The following DUSP14 variants were observed in gnomAD, a reference collection of about 807,000 sequenced individuals.
DUSP14 encodes the protein dual specificity protein phosphatase 14.
DUSP14 carries 5 observed loss-of-function variants against 13.2 expected under a neutral mutation model. The observed-to-expected ratio is 0.38, with a 90% confidence interval of 0.20 to 0.80. DUSP14 has a LOEUF of 0.80. DUSP14 is among the 30% of genes least tolerant of loss of function. DUSP14 has a pLI of 0.44. For missense variants in DUSP14, 185 were observed against 264.0 expected (o/e 0.70, Z 2.07); for synonymous variants, 91 against 103.4 (o/e 0.88, Z 0.73).
At chr17:37,500,052 A>G (rs1004743822) in intron 1 of DUSP14, among the ~76,000 whole-genome samples, 22 of 152,238 alleles carry the variant, frequency 1.4e-4, no homozygotes, top group African/African-American at 5.3e-4. Context: ...TGCTCTCAGC[A>G]TGGGAGCGGG....
Position 37,491,671 on chromosome 17 carries a change from T to C in DUSP14, c.-181+1713T>C, listed in dbSNP as rs2054029501. ...TAATTAATAGAATGGCATAAATGTA[T>C]ATTCATATCATAAAAGACTAGCCAA... is the stretch of plus-strand genomic sequence containing the variant. On this transcript the variant is annotated intron_variant, in intron 1 of 2. Transcript: ENST00000617516. 3 of 152,326 alleles carry C rather than the reference T, an allele frequency of 2.0e-5. No individual in the cohort carries two copies. In the South Asian group the frequency reaches 6.2e-4, roughly 32 times the overall value. The allele number at this position is 152,326 out of a possible 1,614,324, so 9.4% of individuals were successfully genotyped here.
In DUSP14 at chr17:37,499,623, G is replaced by A. The variant is rs184640604; in HGVS notation, c.-181+9665G>A. ...GGCTCACTGCAACCTCCATCCCCCCGGGTTCAAGCGATTCTCCTGCCTCAG... is the reference window on the plus strand; with the variant it reads ...GGCTCACTGCAACCTCCATCCCCCCAGGTTCAAGCGATTCTCCTGCCTCAG... On this transcript the variant is annotated intron_variant, in intron 1 of 2. Coordinates refer to ENST00000617516, the MANE Select transcript of DUSP14 (RefSeq NM_007026.4). 1.4e-3 allele frequency among the ~76,000 whole-genome samples: 207 copies of A among 152,164 alleles called. 2 individuals carry two copies. The highest frequency in any genetic ancestry group is 4.3e-3 in the African/African-American group (178 of 41,520).
intron 1 of DUSP14, among the ~76,000 whole-genome samples, chr17:37,502,902 G>A (rs853216): frequency 0.21 from 31,853 of 152,026 alleles, 3,694 homozygotes; most frequent in East Asian, 0.55. Flanking sequence ...AGACAGCGTC[G>A]TTCTGTCGCC....
At position 37,490,935 on chromosome 17, in the gene DUSP14, T is replaced by A. The variant is rs551345575; in HGVS notation, c.-181+977T>A. Among the ~76,000 whole-genome samples, 3 of 152,226 alleles carry A rather than the reference T, an allele frequency of 2.0e-5. No individual in the cohort carries two copies. The South Asian group carries it at 6.2e-4, about 32-fold the overall frequency. On this transcript the variant is annotated intron_variant, in intron 1 of 2. Coordinates refer to ENST00000617516, the MANE Select transcript of DUSP14 (RefSeq NM_007026.4). ...ACCCAGAGTCTCCTGGAATTCCTAGTCCCTAAGGCCACTCAGAAGTATGAT... is the reference window on the plus strand; with the variant it reads ...ACCCAGAGTCTCCTGGAATTCCTAGACCCTAAGGCCACTCAGAAGTATGAT...
chr17:37,507,920 G>A (rs964384643), intron 1 of DUSP14, among the ~76,000 whole-genome samples: 1 of 152,252 alleles, frequency 6.6e-6, no homozygotes, highest in Non-Finnish European at 1.5e-5. Flanking sequence ...ACTTGGAAGT[G>A]GCAGGAGACC....
At chr17:37,494,620 A>G (rs1328394476) in intron 1 of DUSP14, among the ~76,000 whole-genome samples, 1 of 152,200 alleles carries the variant, frequency 6.6e-6, no homozygotes, top group Non-Finnish European at 1.5e-5. Flanking sequence ...AATGTGAGAA[A>G]GAGAAGGAGC....
chr17:37,505,730 T>C (rs1019360079), intron 1 of DUSP14, among the ~76,000 whole-genome samples: 1 of 151,434 alleles, frequency 6.6e-6, no homozygotes, highest in Non-Finnish European at 1.5e-5. Flanking sequence ...GTAGCAATTC[T>C]GAGTGTCAGG....
chr17:37,493,050 C>T (rs1390089352), intron 1 of DUSP14, among the ~76,000 whole-genome samples: 1 of 151,918 alleles, frequency 6.6e-6, no homozygotes, highest in Non-Finnish European at 1.5e-5. Context: ...TATACACACG[C>T]ACATATATAA....
intron 1 of DUSP14, among the ~76,000 whole-genome samples, chr17:37,508,117 G>A (rs1432986881): frequency 6.6e-6 from 1 of 152,212 alleles, no homozygotes; most frequent in African/African-American, 2.4e-5. Flanking sequence ...CTCCCAAAGC[G>A]AGGCCTAGCC....
intron 1 of DUSP14, among the ~76,000 whole-genome samples, chr17:37,492,818 C>G (rs12936391): frequency 0.25 from 38,555 of 152,122 alleles, 5,237 homozygotes; most frequent in Admixed American, 0.4. Flanking sequence ...CTCCCTCCCC[C>G]AGAGGTCCTA....
chr17:37,498,987 C>A (rs932439435), intron 1 of DUSP14, among the ~76,000 whole-genome samples: 4 of 152,162 alleles, frequency 2.6e-5, no homozygotes, highest in African/African-American at 9.7e-5. Flanking sequence ...TTATAACTTA[C>A]TAATTTCAAC....
intron 1 of DUSP14, among the ~76,000 whole-genome samples, chr17:37,500,897 T>C (rs959659259): frequency 2.0e-5 from 3 of 152,172 alleles, no homozygotes; most frequent in Non-Finnish European, 2.9e-5. Context: ...CGACCTGACC[T>C]TATGTTCCTT....
intron 2 of DUSP14, among the ~76,000 whole-genome samples, chr17:37,511,938 C>CGTTTTTTTTTTTTTTT (rs1568206074): frequency 5.2e-5 from 2 of 38,248 alleles, no homozygotes; most frequent in Non-Finnish European, 9.2e-5. Flanking sequence ...CCCCACCCCA[C>CGTTTTTTTTTTTTTTT]TTTTTTTTTT....
intron 1 of DUSP14, among the ~76,000 whole-genome samples, chr17:37,503,406 A>G (rs1290699622): frequency 2.6e-5 from 4 of 152,176 alleles, no homozygotes; most frequent in African/African-American, 7.2e-5. Context: ...AGCCTGGGCT[A>G]CAGAGGGAGA....
At chr17:37,498,150 T>A (rs2054078195) in intron 1 of DUSP14, among the ~76,000 whole-genome samples, 1 of 152,122 alleles carries the variant, frequency 6.6e-6, no homozygotes, top group Non-Finnish European at 1.5e-5. Flanking sequence ...ACATTTCACA[T>A]GATATTTCTT....
intron 1 of DUSP14, among the ~76,000 whole-genome samples, chr17:37,509,151 A>G (rs2054160101): frequency 1.3e-5 from 1 of 78,144 alleles, no homozygotes; most frequent in Non-Finnish European, 2.4e-5. Flanking sequence ...ACACACACAC[A>G]CACACACACA....
At chr17:37,497,783 C>T (rs2054075590) in intron 1 of DUSP14, among the ~76,000 whole-genome samples, 1 of 151,502 alleles carries the variant, frequency 6.6e-6, no homozygotes, top group Non-Finnish European at 1.5e-5. Context: ...AGCATGGTGG[C>T]CCATGCCTAC....
intron 1 of DUSP14, among the ~76,000 whole-genome samples, chr17:37,497,044 A>G (rs918242786): frequency 2.0e-5 from 3 of 152,046 alleles, no homozygotes; most frequent in Non-Finnish European, 4.4e-5. Flanking sequence ...TTATCAAGTC[A>G]GAGCTTCCTT....
At chr17:37,495,488 T>G (rs937268868) in intron 1 of DUSP14, among the ~76,000 whole-genome samples, 1 of 152,154 alleles carries the variant, frequency 6.6e-6, no homozygotes, top group Admixed American at 6.5e-5. Flanking sequence ...TTGTTTGTTT[T>G]GACTCCTATG....
Sources: gnomAD v4.1 joint callset for allele counts (sites outside exome capture counted in the v4.1 genomes callset) on GRCh38, gnomAD v4.1.1 for gene constraint, MANE v1.5 for transcripts, NCBI Gene and HGNC (gene_info 2026-07-23, HGNC 2026-07-21) for gene names.